Variants in CENPQ observed in about 807,000 individuals in gnomAD.
CENPQ encodes the protein chromosome 6 open reading frame 139.
In CENPQ, 27 loss-of-function variants were observed where a neutral mutation model predicts 36.6. The ratio of observed to expected loss-of-function variants is 0.74; its 90% confidence interval spans 0.54 to 1.02. CENPQ has a LOEUF of 1.02. Among genes scored for constraint, CENPQ ranks in the 50% least tolerant of loss-of-function variants. The pLI is 0.00. For synonymous variants in CENPQ, 101 were observed against 101.7 expected (o/e 0.99, Z 0.04); for missense variants, 306 against 301.8 (o/e 1.01, Z -0.10).
At chr6:49,476,308 A>G (rs1017016037) in intron 5 of CENPQ, among the ~76,000 whole-genome samples, 1 of 152,228 alleles carries the variant, frequency 6.6e-6, no homozygotes, top group Non-Finnish European at 1.5e-5. Context: ...AACCTGACAA[A>G]AACAAGCAAT....
chr6:49,464,694 C>T (rs545720174), intron 1 of CENPQ, among the ~76,000 whole-genome samples: 5 of 152,338 alleles, frequency 3.3e-5, no homozygotes, highest in African/African-American at 9.6e-5. Flanking sequence ...TCAAGAACTT[C>T]GCTCATTCAT....
chr6:49,492,420 G>A lies in CENPQ; in HGVS notation c.*145G>A. The A allele has an allele frequency of 1.4e-6, 1 of 696,448 alleles. No homozygotes were observed. The highest frequency in any genetic ancestry group is 2.2e-6 in the Non-Finnish European group (1 of 452,244). The allele number at this position is 696,448 out of a possible 1,614,324, so 43.1% of individuals were successfully genotyped here. On this transcript the variant is annotated 3_prime_UTR_variant, in exon 9 of 9. Coordinates refer to ENST00000335783, the MANE Select transcript of CENPQ (RefSeq NM_018132.4). ...ATGCACTTTAAAATTAGTCTTTGTAGTTCTATCATTAGCATCTAATGTAGT... is the reference window on the plus strand; with the variant it reads ...ATGCACTTTAAAATTAGTCTTTGTAATTCTATCATTAGCATCTAATGTAGT...
chr6:49,466,290 T>C (rs1188919586), intron 1 of CENPQ, among the ~76,000 whole-genome samples: 2 of 152,178 alleles, frequency 1.3e-5, no homozygotes, highest in Non-Finnish European at 2.9e-5. Context: ...GTTTGAAATA[T>C]TGTGAGAGTT....
At chr6:49,464,960 A>G (rs1415023770) in intron 1 of CENPQ, among the ~76,000 whole-genome samples, 1 of 152,248 alleles carries the variant, frequency 6.6e-6, no homozygotes, top group Non-Finnish European at 1.5e-5. Flanking sequence ...GGGATGGTGA[A>G]TCATTTCCAG....
At chr6:49,464,518 G>GAA in intron 1 of CENPQ, among the ~76,000 whole-genome samples, 1 of 152,204 alleles carries the variant, frequency 6.6e-6, no homozygotes, top group Non-Finnish European at 1.5e-5. Flanking sequence ...TGTAGCATGT[G>GAA]ATGCTGTTTG....
chr6:49,493,067 T>C lies in CENPQ; in HGVS notation c.*792T>C, dbSNP rs914722569. ...GTATACTGTCTTGGGTTTTTTTTTT[T>C]TTTTTTAGTCTGTAAAATAAAATGA... On this transcript the variant is annotated 3_prime_UTR_variant, in exon 9 of 9. Coordinates refer to ENST00000335783, the MANE Select transcript of CENPQ (RefSeq NM_018132.4). The C allele has an allele frequency of 2.0e-5, 3 of 152,064 alleles. No homozygotes were observed. The highest frequency in any genetic ancestry group is 7.2e-5 in the African/African-American group (3 of 41,428). 9.4% of individuals were successfully genotyped at this position (152,064 alleles called of 1,614,324 possible).
At chr6:49,476,003 G>A (rs1353420136) in intron 5 of CENPQ, among the ~76,000 whole-genome samples, 1 of 152,056 alleles carries the variant, frequency 6.6e-6, no homozygotes. Context: ...TACTGCCCAA[G>A]GTAATTTATA....
intron 6 of CENPQ, among the ~76,000 whole-genome samples, chr6:49,487,600 A>T (rs1768621567): frequency 6.6e-6 from 1 of 152,084 alleles, no homozygotes; most frequent in Non-Finnish European, 1.5e-5. Context: ...GTTATTACTT[A>T]TGTATATTTT....
chr6:49,464,423 T>C lies in CENPQ; in HGVS notation c.-19+970T>C, dbSNP rs141014463. ...CAATCAGGGTGATGGTTGCTGAAGA[T>C]TGGAGTTGCTGTGGCAGTTTCTTAA... is the stretch of plus-strand genomic sequence containing the variant. On this transcript the variant is annotated intron_variant, in intron 1 of 8. Transcript: ENST00000335783. Among the ~76,000 whole-genome samples, 713 of 152,320 alleles carry C rather than the reference T, an allele frequency of 4.7e-3. 3 individuals are homozygous for C. Among genetic ancestry groups the C allele is most frequent in the Non-Finnish European group, 7.9e-3 (535 of 68,024 alleles).
At chr6:49,468,851 C>G (rs1339546286) in intron 1 of CENPQ, among the ~76,000 whole-genome samples, 2 of 152,208 alleles carry the variant, frequency 1.3e-5, no homozygotes, top group African/African-American at 4.8e-5. Context: ...CAGTGAACAA[C>G]TTGAACTATT....
chr6:49,492,421 T>C lies in CENPQ; in HGVS notation c.*146T>C. On this transcript the variant is annotated 3_prime_UTR_variant, in exon 9 of 9. Coordinates refer to ENST00000335783, the MANE Select transcript of CENPQ (RefSeq NM_018132.4). The stretch of plus-strand genomic sequence containing the variant: ...TGCACTTTAAAATTAGTCTTTGTAG[T>C]TCTATCATTAGCATCTAATGTAGTT... 1 of 696,130 alleles carries C rather than the reference T, an allele frequency of 1.4e-6. No individual in the cohort carries two copies. The highest frequency in any genetic ancestry group is 3.0e-5 in the East Asian group (1 of 32,912). The allele number at this position is 696,130 out of a possible 1,614,324, so 43.1% of individuals were successfully genotyped here. A position where few individuals can be genotyped will look rare whatever the true frequency, so the allele number is the denominator to read the frequency against.
rs751109223 is a variant in CENPQ, at chr6:49,492,171, C to A, written c.703C>A (p.Gln235Lys). ...QKEILALIPN[Q>K]NALLKDLDIL... Reference sequence around the variant, plus strand: ...AGAAATTTTGGCGCTAATTCCAAACCAGAATGCTCTTCTAAAGGACTTGGA... The same window carrying A: ...AGAAATTTTGGCGCTAATTCCAAACAAGAATGCTCTTCTAAAGGACTTGGA... The change falls in exon 9 of 9, where the codon CAG (glutamine) becomes AAG (lysine). Residue 235 changes from glutamine (Q) to lysine (K), a missense_variant. Coordinates refer to ENST00000335783, the MANE Select transcript of CENPQ (RefSeq NM_018132.4). The A allele has an allele frequency of 6.2e-7, 1 of 1,603,848 alleles. No individual in the cohort carries two copies. Among genetic ancestry groups the A allele is most frequent in the South Asian group, 1.1e-5 (1 of 87,488 alleles).
At chr6:49,480,194 G>A (rs1163549944) in intron 5 of CENPQ, among the ~76,000 whole-genome samples, 3 of 152,020 alleles carry the variant, frequency 2.0e-5, no homozygotes, top group African/African-American at 7.2e-5. Context: ...TTAAGTAGTA[G>A]AACTTTTTAG....
chr6:49,471,517 G>C (rs1329015182), intron 3 of CENPQ, among the ~76,000 whole-genome samples: 2 of 152,084 alleles, frequency 1.3e-5, no homozygotes, highest in Non-Finnish European at 2.9e-5. Flanking sequence ...TACTGCCATA[G>C]TGTACAATAC....
chr6:49,465,605 G>A (rs1027378806), intron 1 of CENPQ, among the ~76,000 whole-genome samples: 1 of 152,232 alleles, frequency 6.6e-6, no homozygotes, highest in African/African-American at 2.4e-5. Flanking sequence ...ATCAGCACTT[G>A]CTGCTTCACT....
At chr6:49,473,627 A>G (rs1478005638) in intron 5 of CENPQ, among the ~76,000 whole-genome samples, 1 of 152,198 alleles carries the variant, frequency 6.6e-6, no homozygotes, top group East Asian at 1.9e-4. Flanking sequence ...GAGCAAAATA[A>G]CCAGCTAATA....
In CENPQ at chr6:49,481,127, G is replaced by C. The variant is rs1342251110; in HGVS notation, c.477+47G>C. On this transcript the variant is annotated intron_variant, in intron 6 of 8. Coordinates refer to ENST00000335783, the MANE Select transcript of CENPQ (RefSeq NM_018132.4). The stretch of plus-strand genomic sequence containing the variant: ...TCCATAATTAGAGAGTTAGGGAAAG[G>C]GAAGAAGACCAAAGTTTTTAAAATT... 3.4e-6 allele frequency: 5 copies of C among 1,474,312 alleles called. No homozygotes were observed. The African/African-American group carries it at 7.1e-5, about 21-fold the overall frequency. 91.3% of individuals were successfully genotyped at this position (1,474,312 alleles called of 1,614,324 possible).
intron 1 of CENPQ, among the ~76,000 whole-genome samples, chr6:49,464,488 C>G (rs1008939372): frequency 1.3e-5 from 2 of 152,160 alleles, no homozygotes; most frequent in African/African-American, 4.8e-5. Flanking sequence ...GTTGACTCTT[C>G]CATTCACTAA....
rs746257971 is a variant in CENPQ at position 49,481,034 on chromosome 6, A to G, written c.431A>G (p.Glu144Gly). The change falls in exon 6 of 9, where the codon GAA becomes GGA. Residue 144 changes from glutamate (E) to glycine (G), a missense_variant. Coordinates refer to ENST00000335783, the MANE Select transcript of CENPQ (RefSeq NM_018132.4). ...AATGTATCAAGTCTACTGAATATGG[A>G]AAGGGCACGAGACAAAGCTAATGAA... ...LTNVSSLLNM[E>G]RARDKANEEG... is the part of the protein sequence containing the mutation. The G allele has an allele frequency of 2.7e-5, 43 of 1,611,150 alleles. No individual in the cohort carries two copies. Among genetic ancestry groups the G allele is most frequent in the Non-Finnish European group, 3.6e-5 (42 of 1,178,938 alleles).
Sources: gnomAD v4.1 joint callset for allele counts (sites outside exome capture counted in the v4.1 genomes callset) on GRCh38, gnomAD v4.1.1 for gene constraint, MANE v1.5 for transcripts, NCBI Gene and HGNC (gene_info 2026-07-23, HGNC 2026-07-21) for gene names.